Variants in DMD observed in about 807,000 individuals in gnomAD.
DMD encodes the protein dystrophin, also known as mutant dystrophin.
Under a neutral mutation model 330.1 loss-of-function variants are expected in DMD, and 63 were observed. The observed-to-expected ratio is 0.19, with a 90% confidence interval of 0.16 to 0.24. The LOEUF is 0.24. Ranked by LOEUF, DMD falls within the 10% of genes least tolerant of loss-of-function variation. The pLI is 1.00. For synonymous variants in DMD, 1,223 were observed against 959.8 expected (o/e 1.27, Z -5.07); for missense variants, 3,344 against 2,684.1 (o/e 1.25, Z -5.43).
intron 60 of DMD, among the ~76,000 whole-genome samples, chrX:31,393,893 C>T (rs1212848815): frequency 8.9e-6 from 1 of 111,962 alleles, no homozygotes. Context: ...AGAAAGGAGT[C>T]TTCACTTTAT....
At chrX:32,714,934 A>C (rs1039446886) in intron 7 of DMD, among the ~76,000 whole-genome samples, 1 of 111,245 alleles carries the variant, frequency 9.0e-6, no homozygotes, top group Non-Finnish European at 1.9e-5. Flanking sequence ...ATCTCACATA[A>C]TCGTTCCCCC....
intron 44 of DMD, among the ~76,000 whole-genome samples, chrX:32,142,296 A>G (rs2096757382): frequency 8.9e-6 from 1 of 111,967 alleles, no homozygotes; most frequent in South Asian, 3.7e-4. Flanking sequence ...TTGTTTGAAT[A>G]TTGTCAGAAG....
Position 31,502,772 on chromosome X carries a change from G to A in DMD, c.8390+4509C>T, listed in dbSNP as rs140485053. On this transcript the variant is annotated intron_variant, in intron 56 of 78. Transcript: ENST00000357033. ...TGAAATCTTCATATATATTTCTTAT[G>A]TAAAACAATTGACTTGACCACTTCT... is the stretch of plus-strand genomic sequence containing the variant. 8.7e-3 allele frequency among the ~76,000 whole-genome samples: 966 copies of A among 111,308 alleles called. 7 individuals are homozygous for A. Among genetic ancestry groups the A allele is most frequent in the African/African-American group, 0.03 (908 of 30,714 alleles).
At chrX:31,921,909 T>C (rs943242695) in intron 47 of DMD, among the ~76,000 whole-genome samples, 4 of 112,017 alleles carry the variant, frequency 3.6e-5, no homozygotes, top group African/African-American at 1.3e-4. Context: ...TTGTAAAGTG[T>C]CTGATCCATA....
chrX:33,011,383 A>T (rs190280278), intron 2 of DMD, among the ~76,000 whole-genome samples: 1 of 111,628 alleles, frequency 9.0e-6, no homozygotes, highest in Admixed American at 9.6e-5. Flanking sequence ...TTCTTTGATT[A>T]TTACACATTT....
intron 44 of DMD, among the ~76,000 whole-genome samples, chrX:32,091,849 G>C (rs987290639): frequency 9.0e-6 from 1 of 111,377 alleles, no homozygotes; most frequent in Non-Finnish European, 1.9e-5. Flanking sequence ...ATACTGATCA[G>C]TATAAGGGCT....
At chrX:32,119,328 TAAA>T (rs563310793) in intron 44 of DMD, among the ~76,000 whole-genome samples, 4 of 73,092 alleles carry the variant, frequency 5.5e-5, no homozygotes, top group Admixed American at 1.7e-4. Flanking sequence ...GTGAGACAGT[TAAA>T]AAAAAAAAAA....
At chrX:31,901,916 T>C (rs747052833) in intron 47 of DMD, among the ~76,000 whole-genome samples, 1 of 108,348 alleles carries the variant, frequency 9.2e-6, no homozygotes, top group Non-Finnish European at 1.9e-5. Context: ...AATTAACATA[T>C]GCATTACCCC....
chrX:31,259,633 T>C (rs1017370863), intron 63 of DMD, among the ~76,000 whole-genome samples: 15 of 112,209 alleles, frequency 1.3e-4, no homozygotes, highest in African/African-American at 4.9e-4. Flanking sequence ...TATAAGTGAC[T>C]TTGTTTTTCC....
intron 2 of DMD, among the ~76,000 whole-genome samples, chrX:32,972,685 A>G (rs892059053): frequency 3.6e-5 from 4 of 112,205 alleles, no homozygotes; most frequent in Non-Finnish European, 7.5e-5. Flanking sequence ...ATCTAGGTTC[A>G]AATCCTGACT....
rs2094596470 is a variant in DMD, at chrX:33,062,674, A to G, written c.32-42474T>C. Among the ~76,000 whole-genome samples the G allele has an allele frequency of 3.6e-5, 4 of 110,490 alleles. No homozygotes were observed. The Admixed American group carries it at 3.9e-4, about 11-fold the overall frequency. Reference sequence around the variant, plus strand: ...GTATTTTTAGTAGAGATGGGGTTTCACCACGTTGGCCAGGCTGGTCTTGAA... The same window carrying G: ...GTATTTTTAGTAGAGATGGGGTTTCGCCACGTTGGCCAGGCTGGTCTTGAA... On this transcript the variant is annotated intron_variant, in intron 1 of 78. Transcript: ENST00000357033.
chrX:31,517,131 T>C (rs147908465), intron 55 of DMD, among the ~76,000 whole-genome samples: 104 of 111,949 alleles, frequency 9.3e-4, no homozygotes, highest in African/African-American at 3.2e-3. Context: ...CCCGAATATT[T>C]ATTCATCACA....
At chrX:32,035,565 T>C in intron 44 of DMD, 1 of 309,999 alleles carries the variant, frequency 3.2e-6, no homozygotes, top group South Asian at 2.9e-5. Flanking sequence ...AGAGCTATAA[T>C]AGCAGAAATA....
rs1192024484 is a variant in DMD at position 31,521,133 on chromosome X, T to C, written c.8218-13680A>G. Among the ~76,000 whole-genome samples, 5 of 110,314 alleles carry C rather than the reference T, an allele frequency of 4.5e-5. No individual in the cohort carries two copies. The Admixed American group carries it at 4.9e-4, about 11-fold the overall frequency. ...GATAAGAGGATGACTTTACAGATTA[T>C]TTTACAAGAATTTTTACATGAGAAT... On this transcript the variant is annotated intron_variant, in intron 55 of 78. Coordinates refer to ENST00000357033, the MANE Select transcript of DMD (RefSeq NM_004006.3).
chrX:31,954,278 C>G (rs1293991263), intron 45 of DMD, among the ~76,000 whole-genome samples: 1 of 111,227 alleles, frequency 9.0e-6, no homozygotes, highest in Admixed American at 9.6e-5. Flanking sequence ...CAGAACATTC[C>G]AGAACTTTCA....
chrX:32,928,476 T>A (rs190450763), intron 2 of DMD, among the ~76,000 whole-genome samples: 407 of 111,533 alleles, frequency 3.6e-3, no homozygotes, highest in Non-Finnish European at 6.3e-3. Context: ...GATACGTAGG[T>A]ATGTGTGATT....
At chrX:32,658,846 A>C (rs1271175230) in intron 9 of DMD, among the ~76,000 whole-genome samples, 2 of 111,927 alleles carry the variant, frequency 1.8e-5, no homozygotes, top group Non-Finnish European at 3.8e-5. Context: ...GAGTAAAATA[A>C]ACATGAGGTC....
At chrX:33,286,719 A>G (rs757061013) in intron 1 of DMD, among the ~76,000 whole-genome samples, 2 of 112,007 alleles carry the variant, frequency 1.8e-5, no homozygotes, top group Non-Finnish European at 3.8e-5. Flanking sequence ...AGCTATCCAT[A>G]AGAATCCATG....
intron 48 of DMD, among the ~76,000 whole-genome samples, chrX:31,841,614 T>G (rs1301239761): frequency 8.9e-6 from 1 of 112,134 alleles, no homozygotes; most frequent in Non-Finnish European, 1.9e-5. Context: ...TTGATGACTT[T>G]CAATTGAAGA....
Sources: allele counts gnomAD v4.1 joint callset (sites outside exome capture counted in the v4.1 genomes callset), GRCh38; gene constraint gnomAD v4.1.1; transcripts MANE v1.5; gene names NCBI Gene and HGNC (gene_info 2026-07-23, HGNC 2026-07-21).